The following CLDN18 variants were observed in gnomAD, a reference collection of about 807,000 sequenced individuals.
The protein encoded by CLDN18 is claudin 18.
In CLDN18, 20 loss-of-function variants were observed where a neutral mutation model predicts 25.0. That is an observed-to-expected ratio of 0.80 (90% CI 0.56 to 1.16). The LOEUF is 1.16. CLDN18 is among the 50% of genes most tolerant of loss of function. The pLI, the probability that CLDN18 is intolerant of heterozygous loss-of-function variation, is 0.00. For synonymous variants in CLDN18, 125 were observed against 135.6 expected (o/e 0.92, Z 0.54); for missense variants, 297 against 345.4 (o/e 0.86, Z 1.11).
chr3:138,016,376 G>A (rs1460065808), intron 1 of CLDN18, among the ~76,000 whole-genome samples: 3 of 152,206 alleles, frequency 2.0e-5, no homozygotes, highest in Admixed American at 2.0e-4. Flanking sequence ...GTATATGGGG[G>A]TTGACCCATT....
chr3:138,017,968 G>T (rs1942226746), intron 1 of CLDN18, among the ~76,000 whole-genome samples: 1 of 152,168 alleles, frequency 6.6e-6, no homozygotes, highest in South Asian at 2.1e-4. Context: ...TCAGCTTGTG[G>T]CTGTAGTGGT....
At chr3:138,023,134 T>C (rs903042164) in intron 1 of CLDN18, among the ~76,000 whole-genome samples, 1 of 152,256 alleles carries the variant, frequency 6.6e-6, no homozygotes, top group Non-Finnish European at 1.5e-5. Context: ...ATCCTTGGTA[T>C]ATCACTTAGC....
chr3:138,026,133 C>A (rs1045397016), intron 3 of CLDN18, among the ~76,000 whole-genome samples: 4 of 152,106 alleles, frequency 2.6e-5, no homozygotes, highest in Non-Finnish European at 5.9e-5. Context: ...TTGGCAGTAA[C>A]CTTGATGGAG....
upstream of CLDN18, among the ~76,000 whole-genome samples, chr3:138,005,892 G>A (rs1473884665): frequency 1.3e-5 from 2 of 151,094 alleles, no homozygotes; most frequent in Admixed American, 1.3e-4. Context: ...AAAAAAATGG[G>A]GGAAGGTACA....
chr3:138,022,239 C>T (rs1317596735), intron 1 of CLDN18, among the ~76,000 whole-genome samples: 2 of 152,140 alleles, frequency 1.3e-5, no homozygotes, highest in Non-Finnish European at 2.9e-5. Flanking sequence ...GTCTCATCTG[C>T]CCAGTTTGAC....
In CLDN18 at chr3:138,012,684, G is replaced by A. The variant is rs180930746; in HGVS notation, c.220+2239G>A. ...TCATAGCATTGAGCATATTCACCCCGCGTGACACTGCTCTCAAATCTGAGA... is the reference window on the plus strand; with the variant it reads ...TCATAGCATTGAGCATATTCACCCCACGTGACACTGCTCTCAAATCTGAGA... On this transcript the variant is annotated intron_variant, in intron 1 of 4. Transcript: ENST00000183605. Among the ~76,000 whole-genome samples, 542 of 152,222 alleles carry A rather than the reference G, an allele frequency of 3.6e-3. 2 individuals carry two copies. The highest frequency in any genetic ancestry group is 0.012 in the African/African-American group (484 of 41,518).
intron 3 of CLDN18, among the ~76,000 whole-genome samples, chr3:138,028,986 C>T (rs1220935100): frequency 6.6e-6 from 1 of 152,190 alleles, no homozygotes; most frequent in East Asian, 1.9e-4. Context: ...TAAGTAAAGA[C>T]ATCAATAAAA....
At chr3:138,018,656 C>T (rs1259293205) in intron 1 of CLDN18, among the ~76,000 whole-genome samples, 1 of 152,208 alleles carries the variant, frequency 6.6e-6, no homozygotes, top group Non-Finnish European at 1.5e-5. Flanking sequence ...TTTATAAGGC[C>T]TCAACGTCAT....
upstream of CLDN18, among the ~76,000 whole-genome samples, chr3:138,009,776 G>A (rs1942108963): frequency 6.6e-6 from 1 of 152,252 alleles, no homozygotes; most frequent in African/African-American, 2.4e-5. Flanking sequence ...TGAAAAGTCT[G>A]GTTTAAGACA....
Position 138,010,309 on chromosome 3 carries a change from C to T in CLDN18, c.84C>T (p.Asp28=), listed in dbSNP as rs775088096. The T allele has an allele frequency of 1.2e-6, 2 of 1,614,188 alleles. No individual in the cohort carries two copies. The highest frequency in any genetic ancestry group is 1.1e-5 in the South Asian group (1 of 91,086). Residue 28 remains aspartate (D), a synonymous_variant, in exon 1 of 5, where the codon GAC becomes GAT. Transcript: ENST00000183605. Reference sequence around the variant, plus strand: ...GCTGCATCGCGGCCACCGGGATGGACATGTGGAGCACCCAGGACCTGTACG... The same window carrying T: ...GCTGCATCGCGGCCACCGGGATGGATATGTGGAGCACCCAGGACCTGTACG... ...LAGCIAATGM[D]MWSTQDLYDN...
At chr3:138,024,863 C>A in intron 3 of CLDN18, 139 bp downstream of exon 3, 1 of 582,212 alleles carries the variant, frequency 1.7e-6, no homozygotes, top group South Asian at 2.2e-5. Context: ...TATCATAAAT[C>A]AACAATCACC....
At chr3:138,016,787 C>T (rs778665028) in intron 1 of CLDN18, among the ~76,000 whole-genome samples, 18 of 152,172 alleles carry the variant, frequency 1.2e-4, no homozygotes, top group Non-Finnish European at 2.4e-4. Flanking sequence ...GGCTTGGTGG[C>T]TCACTCCTGT....
At chr3:138,009,028 AC>A (rs1264281912), upstream of CLDN18, among the ~76,000 whole-genome samples, 2 of 152,212 alleles carry the variant, frequency 1.3e-5, no homozygotes, top group African/African-American at 4.8e-5. Context: ...ACAAAACATA[AC>A]ACCTGATGTC....
intron 3 of CLDN18, among the ~76,000 whole-genome samples, chr3:138,027,872 AGGG>A (rs988440888): frequency 6.6e-6 from 1 of 152,176 alleles, no homozygotes; most frequent in African/African-American, 2.4e-5. Flanking sequence ...GGGTAGGATG[AGGG>A]GGCAGGGCTC....
intron 1 of CLDN18, among the ~76,000 whole-genome samples, chr3:138,020,681 G>A (rs929114054): frequency 2.0e-5 from 3 of 152,192 alleles, no homozygotes. Flanking sequence ...GGAGGAGATG[G>A]GAATGCTGTC....
At chr3:138,010,082 T>C, upstream of CLDN18, 1 of 1,355,404 alleles carries the variant, frequency 7.4e-7, no homozygotes, top group Non-Finnish European at 9.8e-7. Context: ...CTGAGCTATC[T>C]AAGGAAAACA....
upstream of CLDN18, among the ~76,000 whole-genome samples, chr3:138,008,408 A>G: frequency 6.6e-6 from 1 of 152,146 alleles, no homozygotes; most frequent in South Asian, 2.1e-4. Flanking sequence ...GTTCGAGGCC[A>G]GCCTGACCAA....
intron 1 of CLDN18, among the ~76,000 whole-genome samples, chr3:138,013,978 A>T (rs1942171525): frequency 6.6e-6 from 1 of 151,934 alleles, no homozygotes; most frequent in African/African-American, 2.4e-5. Context: ...AGAGGAATGT[A>T]AATATGGCCA....
Position 138,010,361 on chromosome 3 carries a change from T to C in CLDN18, c.136T>C (p.Tyr46His). The change falls in exon 1 of 5, where the codon TAC becomes CAC. Residue 46 changes from tyrosine to histidine, a missense_variant. Transcript: ENST00000183605. ...CAACCCCGTCACCTCCGTGTTCCAG[T>C]ACGAAGGGCTCTGGAGGAGCTGCGT... ...YDNPVTSVFQ[Y>H]EGLWRSCVRQ... is the part of the protein sequence containing the mutation. The C allele has an allele frequency of 6.2e-7, 1 of 1,614,236 alleles. No homozygotes were observed.
Sources: allele counts gnomAD v4.1 joint callset (sites outside exome capture counted in the v4.1 genomes callset), GRCh38; gene constraint gnomAD v4.1.1; transcripts MANE v1.5; gene names NCBI Gene and HGNC (gene_info 2026-07-23, HGNC 2026-07-21).